The following SRGAP1 variants were observed in gnomAD, a reference collection of about 807,000 sequenced individuals.
SRGAP1 encodes the protein SLIT-ROBO Rho GTPase-activating protein 1.
A neutral mutation model predicts 121.9 loss-of-function variants in SRGAP1; 43 were observed. The ratio of observed to expected loss-of-function variants is 0.35; its 90% confidence interval spans 0.28 to 0.46. SRGAP1 has a LOEUF of 0.46. Among genes scored for constraint, SRGAP1 ranks in the 20% least tolerant of loss-of-function variants. The pLI is 1.00. For synonymous variants in SRGAP1, 447 were observed against 485.4 expected (o/e 0.92, Z 1.04); for missense variants, 1,102 against 1,350.9 (o/e 0.82, Z 2.89).
chr12:64,142,251 A>AT lies in SRGAP1; in HGVS notation c.2881-42dup, dbSNP rs112709604. On this transcript the variant is annotated intron_variant, in intron 21 of 21. Coordinates refer to ENST00000355086, the MANE Select transcript of SRGAP1 (RefSeq NM_020762.4). ...TCTGGGTTTCTATACATTAGTATTC[A>AT]TTATCAGTCTGTGCTTTCTCTCTTT... 511 of 1,587,282 alleles carry AT rather than the reference A, an allele frequency of 3.2e-4. 1 individual carries two copies. In the African/African-American group the frequency reaches 6.1e-3, roughly 19 times the overall value.
intron 1 of SRGAP1, chr12:63,887,412 G>A (rs1475728668): frequency 1.3e-5 from 2 of 152,206 alleles, no homozygotes; most frequent in Non-Finnish European, 2.9e-5. Context: ...TGAGCCCTCT[G>A]GCCATAAATT....
intron 1 of SRGAP1, among the ~76,000 whole-genome samples, chr12:63,861,120 T>C (rs1020750496): frequency 1.3e-5 from 2 of 151,068 alleles, no homozygotes; most frequent in Non-Finnish European, 3.0e-5. Flanking sequence ...TCTTTTCTGA[T>C]ATAAAAATAA....
chr12:64,139,501 G>A (rs1020282724), intron 21 of SRGAP1, among the ~76,000 whole-genome samples: 2 of 151,988 alleles, frequency 1.3e-5, no homozygotes, highest in African/African-American at 4.8e-5. Context: ...GTGATGATGA[G>A]CATTTTTTCA....
At chr12:64,055,116 C>A (rs1228118521) in intron 6 of SRGAP1, among the ~76,000 whole-genome samples, 3 of 150,854 alleles carry the variant, frequency 2.0e-5, no homozygotes, top group Non-Finnish European at 4.4e-5. Context: ...AATGTCTCAG[C>A]CCAAAATCTC....
At chr12:64,072,155 G>GT (rs910675254) in intron 8 of SRGAP1, among the ~76,000 whole-genome samples, 1 of 6,260 alleles carries the variant, frequency 1.6e-4, no homozygotes, top group African/African-American at 2.5e-4. Flanking sequence ...TGTGGGCGGC[G>GT]GGGGGGGGCT....
chr12:63,882,914 C>T (rs1206734890), intron 1 of SRGAP1, among the ~76,000 whole-genome samples: 2 of 152,192 alleles, frequency 1.3e-5, no homozygotes, highest in Non-Finnish European at 2.9e-5. Flanking sequence ...GAGAAGTCAG[C>T]AACACAAACT....
intron 1 of SRGAP1, among the ~76,000 whole-genome samples, chr12:63,899,546 G>A (rs1219924380): frequency 1.3e-5 from 2 of 152,208 alleles, no homozygotes; most frequent in Admixed American, 1.3e-4. Flanking sequence ...AAAAAGGAAA[G>A]TGGCTACAGA....
intron 1 of SRGAP1, among the ~76,000 whole-genome samples, chr12:63,965,604 A>T (rs2032768098): frequency 6.6e-6 from 1 of 152,130 alleles, no homozygotes; most frequent in Admixed American, 6.6e-5. Context: ...CCAGGAGTTC[A>T]AGACCTGGCT....
intron 6 of SRGAP1, 130 bp from the exon 7 acceptor site, chr12:64,062,787 G>A: frequency 3.2e-6 from 2 of 630,658 alleles, no homozygotes; most frequent in Non-Finnish European, 5.5e-6. Context: ...AGAAACCAGT[G>A]CCTAATCCAA....
At chr12:64,069,936 C>G (rs1164387203) in intron 8 of SRGAP1, among the ~76,000 whole-genome samples, 1 of 152,068 alleles carries the variant, frequency 6.6e-6, no homozygotes, top group Non-Finnish European at 1.5e-5. Context: ...ACAGGGTCTC[C>G]CTGTGTTCCC....
At chr12:63,886,496 T>C (rs1355632151) in intron 1 of SRGAP1, among the ~76,000 whole-genome samples, 1 of 149,294 alleles carries the variant, frequency 6.7e-6, no homozygotes, top group African/African-American at 2.6e-5. Flanking sequence ...TTATTTTTAT[T>C]TTTTTAAGAC....
At chr12:63,989,530 C>T in intron 2 of SRGAP1, among the ~76,000 whole-genome samples, 1 of 91,572 alleles carries the variant, frequency 1.1e-5, no homozygotes, top group East Asian at 3.3e-4. Flanking sequence ...GGCAAAACCA[C>T]AGTCTGTCTG....
intron 10 of SRGAP1, among the ~76,000 whole-genome samples, chr12:64,086,232 T>G (rs2035935907): frequency 6.6e-6 from 1 of 152,216 alleles, no homozygotes; most frequent in Admixed American, 6.5e-5. Flanking sequence ...GGTTCAATGT[T>G]TCCCACATTC....
At chr12:63,901,912 C>T (rs1334442069) in intron 1 of SRGAP1, among the ~76,000 whole-genome samples, 1 of 152,194 alleles carries the variant, frequency 6.6e-6, no homozygotes, top group East Asian at 1.9e-4. Flanking sequence ...AGTCACCTAA[C>T]ATTGTTCTTC....
chr12:64,159,465 CAACA>C lies in SRGAP1; in HGVS notation c.*16814_*16817del, dbSNP rs60223652. The C allele has an allele frequency of 0.095, 14,780 of 155,894 alleles. 917 individuals are homozygous for C. The highest frequency in any genetic ancestry group is 0.27 in the East Asian group (1,407 of 5,256). 9.7% of individuals were successfully genotyped at this position (155,894 alleles called of 1,614,324 possible). On this transcript the variant is annotated 3_prime_UTR_variant, in exon 22 of 22. Coordinates refer to ENST00000355086, the MANE Select transcript of SRGAP1 (RefSeq NM_020762.4). Reference sequence around the variant, plus strand: ...GGGCAACAAAAGTGAAACTCCATCTCAACAAACAAACAAACAAACAAACAGTAGC... The same window carrying C: ...GGGCAACAAAAGTGAAACTCCATCTCAACAAACAAACAAACAAACAGTAGC...
At chr12:63,894,018 T>G in intron 1 of SRGAP1, among the ~76,000 whole-genome samples, 1 of 152,198 alleles carries the variant, frequency 6.6e-6, no homozygotes, top group East Asian at 1.9e-4. Context: ...TTTGTATTTT[T>G]TAGTAGAGAC....
At chr12:64,050,858 A>G (rs2035225183) in intron 6 of SRGAP1, among the ~76,000 whole-genome samples, 1 of 152,136 alleles carries the variant, frequency 6.6e-6, no homozygotes, top group Non-Finnish European at 1.5e-5. Flanking sequence ...AGTAGCTGGG[A>G]TTACAGGTAC....
At chr12:63,957,283 C>T (rs1231190177) in intron 1 of SRGAP1, among the ~76,000 whole-genome samples, 2 of 152,236 alleles carry the variant, frequency 1.3e-5, no homozygotes, top group African/African-American at 4.8e-5. Context: ...ACCTGGACAT[C>T]AGCAGGTCAG....
chr12:63,859,305 A>G (rs1039436892), intron 1 of SRGAP1, among the ~76,000 whole-genome samples: 3 of 151,930 alleles, frequency 2.0e-5, no homozygotes, highest in South Asian at 2.1e-4. Flanking sequence ...GATTACAGGT[A>G]TGCACCACCA....
Sources: allele counts gnomAD v4.1 joint callset (sites outside exome capture counted in the v4.1 genomes callset), GRCh38; gene constraint gnomAD v4.1.1; transcripts MANE v1.5; gene names NCBI Gene and HGNC (gene_info 2026-07-23, HGNC 2026-07-21).